The following TIMM22 variants were observed in gnomAD, a reference collection of about 807,000 sequenced individuals.
TIMM22 encodes mitochondrial import inner membrane translocase subunit Tim22.
A neutral mutation model predicts 18.3 loss-of-function variants in TIMM22; 12 were observed. The ratio of observed to expected loss-of-function variants is 0.65; its 90% CI spans 0.42 to 1.06. The LOEUF is 1.06. TIMM22 is among the 50% of genes least tolerant of loss of function. The pLI is 0.00. For synonymous variants in TIMM22, 107 were observed against 98.5 expected, an observed-to-expected ratio of 1.09 and a Z score of -0.51; for missense variants, 278 against 252.8, an observed-to-expected ratio of 1.10 and a Z score of -0.68.
intron 2 of TIMM22, 33 bp from the exon 3 acceptor site, chr17:999,479 C>G: frequency 6.2e-7 from 1 of 1,610,596 alleles, no homozygotes; most frequent in Non-Finnish European, 8.5e-7. Context: ...TGGCTTGTTT[C>G]TTTGGCTCTA....
At chr17:998,530 G>A (rs190501690) in intron 1 of TIMM22, among the ~76,000 whole-genome samples, 126 of 152,182 alleles carry the variant, frequency 8.3e-4, no homozygotes, top group Admixed American at 7.7e-3. Flanking sequence ...GAGAATAGAG[G>A]GTTAAAGATG....
intron 1 of TIMM22, 87 bp downstream of exon 1, chr17:997,467 C>T: frequency 1.5e-6 from 2 of 1,329,334 alleles, no homozygotes; most frequent in Non-Finnish European, 2.1e-6. Context: ...GCCTGGGAGG[C>T]GAGGGACTGC....
At chr17:999,887 C>T (rs934087141) in intron 3 of TIMM22, among the ~76,000 whole-genome samples, 2 of 149,760 alleles carry the variant, frequency 1.3e-5, no homozygotes, top group East Asian at 2.0e-4. Flanking sequence ...GTAGCACCCC[C>T]GTCCGTTGTA....
At chr17:998,746 CA>C in intron 1 of TIMM22, 32 bp from the exon 2 acceptor site, 1 of 1,600,260 alleles carries the variant, frequency 6.2e-7, no homozygotes, top group Non-Finnish European at 8.5e-7. Flanking sequence ...GAAAACATGC[CA>C]AAGACACCTT....
intron 2 of TIMM22, 131 bp downstream of exon 2, chr17:999,106 A>G: frequency 2.1e-6 from 2 of 934,960 alleles, no homozygotes; most frequent in Non-Finnish European, 3.1e-6. Context: ...GATACATTCT[A>G]GGTTGAACTT....
At position 997,160 on chromosome 17, in the gene TIMM22, C is replaced by T. The variant is rs758055056; in HGVS notation, c.18C>T (p.Pro6=). 8.1e-6 allele frequency: 13 copies of T among 1,609,578 alleles called. No homozygotes were observed. The African/African-American group carries it at 1.1e-4, about 13-fold the overall frequency. Residue 6 remains proline (P), a synonymous_variant, in exon 1 of 4, where the codon CCC becomes CCT. Transcript: ENST00000327158. MAAAA[P]NAGGSAPETA... is the part of the protein sequence containing the mutation. Reference sequence around the variant, plus strand: ...CGACTGTCATGGCGGCGGCCGCCCCCAATGCCGGAGGCTCGGCCCCTGAGA... The same window carrying T: ...CGACTGTCATGGCGGCGGCCGCCCCTAATGCCGGAGGCTCGGCCCCTGAGA...
Position 997,183 on chromosome 17 carries a change from A to G in TIMM22, c.41A>G (p.Glu14Gly). ...AAPNAGGSAPETAGSAEAPLQ... is the reference protein window; with the variant it reads ...AAPNAGGSAPGTAGSAEAPLQ... ...CCCAATGCCGGAGGCTCGGCCCCTG[A>G]GACAGCGGGTTCCGCCGAAGCTCCG... Residue 14 changes from glutamate to glycine, a missense_variant, in exon 1 of 4, where the codon GAG becomes GGG. By Grantham distance (98) the Glu-to-Gly change is moderately conservative. Coordinates refer to ENST00000327158, the MANE Select transcript of TIMM22 (RefSeq NM_013337.4). 6.2e-7 allele frequency: 1 copy of G among 1,611,706 alleles called. No homozygotes were observed.
Position 1,002,888 on chromosome 17 carries a change from C to G in TIMM22, c.*1800C>G, listed in dbSNP as rs2069781463. 1 of 152,174 alleles carries G rather than the reference C, an allele frequency of 6.6e-6. No individual in the cohort carries two copies. Among genetic ancestry groups the G allele is most frequent in the Middle Eastern group, 3.2e-3 (1 of 316 alleles). 9.4% of individuals were successfully genotyped at this position (152,174 alleles called of 1,614,324 possible). A position where few individuals can be genotyped will look rare whatever the true frequency, so the allele number is the denominator to read the frequency against. On this transcript the variant is annotated 3_prime_UTR_variant, in exon 4 of 4. Coordinates refer to ENST00000327158, the MANE Select transcript of TIMM22 (RefSeq NM_013337.4). ...ATCGGTTCAGTAAGCGAGGCATTGTCCACGCTGCCTATTCACTCGAGAGAT... is the reference window on the plus strand; with the variant it reads ...ATCGGTTCAGTAAGCGAGGCATTGTGCACGCTGCCTATTCACTCGAGAGAT...
intron 3 of TIMM22, 49 bp downstream of exon 3, chr17:999,633 T>G: frequency 6.4e-7 from 1 of 1,563,778 alleles, no homozygotes; most frequent in Non-Finnish European, 8.8e-7. Context: ...TTGGACAACG[T>G]GCTGAGGTTG....
intron 3 of TIMM22, 108 bp from the exon 4 acceptor site, chr17:1,000,904 C>G (rs943103605): frequency 4.3e-5 from 46 of 1,061,190 alleles, no homozygotes; most frequent in Non-Finnish European, 6.4e-5. Flanking sequence ...GAATGACTTA[C>G]AGTGCTTAAG....
chr17:1,000,120 G>A (rs1828242), intron 3 of TIMM22, among the ~76,000 whole-genome samples: 7,110 of 151,526 alleles, frequency 0.047, 256 homozygotes, highest in East Asian at 0.2. Context: ...TCCTGACCTC[G>A]TGATCTGCCT....
chr17:1,001,546 A>G lies in TIMM22; in HGVS notation c.*458A>G, dbSNP rs911627529. The G allele has an allele frequency of 6.4e-6, 1 of 156,688 alleles. No individual in the cohort carries two copies. The highest frequency in any genetic ancestry group is 6.2e-5 in the Admixed American group (1 of 16,110). 9.7% of individuals were successfully genotyped at this position (156,688 alleles called of 1,614,324 possible). A position where few individuals can be genotyped will look rare whatever the true frequency, so the allele number is the denominator to read the frequency against. On this transcript the variant is annotated 3_prime_UTR_variant, in exon 4 of 4. Transcript: ENST00000327158. ...AAGGCGGACTGATGCCGTCCAACCAATTATCTCACTTGTTTTGTGTTCTGT... is the reference window on the plus strand; with the variant it reads ...AAGGCGGACTGATGCCGTCCAACCAGTTATCTCACTTGTTTTGTGTTCTGT...
In TIMM22 at chr17:1,001,396, A is replaced by C; in HGVS notation, c.*308A>C. On this transcript the variant is annotated 3_prime_UTR_variant, in exon 4 of 4. Coordinates refer to ENST00000327158, the MANE Select transcript of TIMM22 (RefSeq NM_013337.4). ...GCTCCACAAAGCTTCAGGCCTGACCACAGCTGGCCCTCTAGGTTGTTTGGT... is the reference window on the plus strand; with the variant it reads ...GCTCCACAAAGCTTCAGGCCTGACCCCAGCTGGCCCTCTAGGTTGTTTGGT... 1 of 327,536 alleles carries C rather than the reference A, an allele frequency of 3.1e-6. No individual in the cohort carries two copies. The highest frequency in any genetic ancestry group is 5.9e-6 in the Non-Finnish European group (1 of 168,488). 20.3% of individuals were successfully genotyped at this position (327,536 alleles called of 1,614,324 possible).
At chr17:999,358 T>TACATACAC (rs1555524936) in intron 2 of TIMM22, among the ~76,000 whole-genome samples, 154 bp from the exon 3 acceptor site, 55 of 132,476 alleles carry the variant, frequency 4.2e-4, no homozygotes, top group African/African-American at 1.7e-3. Flanking sequence ...TATATATATA[T>TACATACAC]ACACGCTGTA....
At chr17:999,645 C>A in intron 3 of TIMM22, 61 bp downstream of exon 3, 1 of 1,482,236 alleles carries the variant, frequency 6.7e-7, no homozygotes, top group Non-Finnish European at 9.4e-7. Context: ...CTGAGGTTGT[C>A]ATTTCCAAAC....
intron 3 of TIMM22, 123 bp from the exon 4 acceptor site, chr17:1,000,889 C>A (rs1229582053): frequency 6.6e-6 from 6 of 912,892 alleles, no homozygotes; most frequent in African/African-American, 3.3e-5. Flanking sequence ...GAGCTATGAT[C>A]GTTTGAATGA....
chr17:1,001,807 T>A lies in TIMM22; in HGVS notation c.*719T>A, dbSNP rs971138387. On this transcript the variant is annotated 3_prime_UTR_variant, in exon 4 of 4. Coordinates refer to ENST00000327158, the MANE Select transcript of TIMM22 (RefSeq NM_013337.4). ...TGTCATCCTCACCAAGCTCATTACA[T>A]CTGCCAGGGCCTGCCTCAAGAAGCC... is the stretch of plus-strand genomic sequence containing the variant. 1 of 152,152 alleles carries A rather than the reference T, an allele frequency of 6.6e-6. No homozygotes were observed. The highest frequency in any genetic ancestry group is 1.5e-5 in the Non-Finnish European group (1 of 68,042). The allele number at this position is 152,152 out of a possible 1,614,324, so 9.4% of individuals were successfully genotyped here.
intron 2 of TIMM22, 96 bp from the exon 3 acceptor site, chr17:999,416 G>A: frequency 9.0e-7 from 1 of 1,111,696 alleles, no homozygotes; most frequent in Middle Eastern, 2.5e-4. Context: ...CTTTGGGTAG[G>A]GACTGAATGA....
Position 1,000,119 on chromosome 17 carries a change from C to T in TIMM22, c.508+535C>T, listed in dbSNP as rs528099589. ...TCACCTGGTCTCGAACTCCTGACCT[C>T]GTGATCTGCCTGCCTCAGCCTCCCA... is the stretch of plus-strand genomic sequence containing the variant. On this transcript the variant is annotated intron_variant, in intron 3 of 3. Transcript: ENST00000327158. Among the ~76,000 whole-genome samples the T allele has an allele frequency of 1.9e-3, 295 of 151,814 alleles. 2 individuals are homozygous for T. The highest frequency in any genetic ancestry group is 3.6e-3 in the Non-Finnish European group (245 of 67,934).
Sources: gnomAD v4.1 joint callset for allele counts (sites outside exome capture counted in the v4.1 genomes callset) on GRCh38, gnomAD v4.1.1 for gene constraint, MANE v1.5 for transcripts, NCBI Gene and HGNC (gene_info 2026-07-23, HGNC 2026-07-21) for gene names.